Variants in ZNF385B observed in about 807,000 individuals in gnomAD.
The protein encoded by ZNF385B is zinc finger protein 385B.
In ZNF385B, 23 loss-of-function variants were observed where a neutral mutation model predicts 39.2. That is an observed-to-expected ratio of 0.59 (90% confidence interval 0.42 to 0.83). The LOEUF is 0.83. Ranked by LOEUF, ZNF385B falls within the 40% of genes least tolerant of loss-of-function variation. The pLI is 0.00. For synonymous variants in ZNF385B, 205 were observed against 222.6 expected (o/e 0.92, Z 0.70); for missense variants, 552 against 598.9 (o/e 0.92, Z 0.82).
chr2:179,607,203 GT>G (rs1264888159), intron 3 of ZNF385B, among the ~76,000 whole-genome samples: 1 of 152,150 alleles, frequency 6.6e-6, no homozygotes, highest in African/African-American at 2.4e-5. Flanking sequence ...ATCAATAAAT[GT>G]GGGGAAGCAG....
chr2:179,615,640 T>G (rs1046963731), intron 3 of ZNF385B, among the ~76,000 whole-genome samples: 2 of 152,194 alleles, frequency 1.3e-5, no homozygotes, highest in Non-Finnish European at 2.9e-5. Context: ...TAGAACAGTG[T>G]TTTTAGAACC....
intron 5 of ZNF385B, among the ~76,000 whole-genome samples, chr2:179,517,198 TTTAAA>T (rs1173153198): frequency 2.0e-5 from 3 of 151,906 alleles, no homozygotes; most frequent in Non-Finnish European, 4.4e-5. Context: ...AAATTTGACC[TTTAAA>T]AAAATGTTTT....
At chr2:179,761,701 C>T (rs1165785470) in intron 3 of ZNF385B, among the ~76,000 whole-genome samples, 1 of 151,348 alleles carries the variant, frequency 6.6e-6, no homozygotes, top group Admixed American at 6.6e-5. Flanking sequence ...ACCACAGCCT[C>T]CTGAGTAGCT....
At chr2:179,821,039 T>C (rs561868212) in intron 1 of ZNF385B, among the ~76,000 whole-genome samples, 108 of 152,186 alleles carry the variant, frequency 7.1e-4, no homozygotes, top group Non-Finnish European at 1.3e-3. Context: ...ATGGAACTTT[T>C]GGCAAAAGTT....
intron 1 of ZNF385B, among the ~76,000 whole-genome samples, chr2:179,815,779 TC>T (rs1575543259): frequency 6.6e-6 from 1 of 152,170 alleles, no homozygotes; most frequent in East Asian, 1.9e-4. Flanking sequence ...CATTTAGGAA[TC>T]CTTCATTCTT....
intron 3 of ZNF385B, among the ~76,000 whole-genome samples, chr2:179,748,314 A>G (rs1702494626): frequency 6.6e-6 from 1 of 152,178 alleles, no homozygotes; most frequent in Non-Finnish European, 1.5e-5. Flanking sequence ...GTACTCATTG[A>G]TCACCTAAAC....
At chr2:179,597,376 G>C (rs1515315) in intron 3 of ZNF385B, among the ~76,000 whole-genome samples, 34,402 of 152,108 alleles carry the variant, frequency 0.23, 4,537 homozygotes, top group East Asian at 0.61. Flanking sequence ...CAGTTTAGTG[G>C]TAGCCAAAGT....
chr2:179,704,192 T>C (rs1699417155), intron 3 of ZNF385B, among the ~76,000 whole-genome samples: 1 of 152,202 alleles, frequency 6.6e-6, no homozygotes, highest in Non-Finnish European at 1.5e-5. Flanking sequence ...ACCAGAATAC[T>C]GTTGGCTTTA....
intron 3 of ZNF385B, among the ~76,000 whole-genome samples, chr2:179,662,907 A>G (rs1694665816): frequency 6.6e-6 from 1 of 152,206 alleles, no homozygotes. Context: ...ATTGAGGAGC[A>G]CAGTTTTAAT....
chr2:179,490,581 G>A (rs11686958), intron 5 of ZNF385B, among the ~76,000 whole-genome samples: 86,191 of 151,490 alleles, frequency 0.57, 24,922 homozygotes, highest in Admixed American at 0.67. Flanking sequence ...AATTAGAAAG[G>A]TGCTGCAGTT....
At chr2:179,559,916 C>A (rs952220562) in intron 3 of ZNF385B, among the ~76,000 whole-genome samples, 6 of 152,096 alleles carry the variant, frequency 3.9e-5, no homozygotes, top group Non-Finnish European at 7.4e-5. Context: ...TGGCCTACAT[C>A]TCCCCATATT....
intron 3 of ZNF385B, among the ~76,000 whole-genome samples, chr2:179,718,830 A>T (rs199939181): frequency 3.1e-5 from 2 of 64,542 alleles, no homozygotes; most frequent in East Asian, 2.2e-3. Context: ...TGTATCTATT[A>T]AAAAAAAAAA....
intron 1 of ZNF385B, chr2:179,860,860 C>CCTG: frequency 2.6e-6 from 1 of 382,874 alleles, no homozygotes; most frequent in Non-Finnish European, 5.6e-6. Context: ...CGACCTAATC[C>CCTG]TAACTCCAGG....
At chr2:179,718,648 T>C (rs997433396) in intron 3 of ZNF385B, among the ~76,000 whole-genome samples, 1 of 150,768 alleles carries the variant, frequency 6.6e-6, no homozygotes, top group African/African-American at 2.4e-5. Context: ...AAATTAAACA[T>C]TGAGAATTAT....
chr2:179,832,214 T>C (rs1249652836), intron 1 of ZNF385B, among the ~76,000 whole-genome samples: 1 of 152,252 alleles, frequency 6.6e-6, no homozygotes, highest in South Asian at 2.1e-4. Context: ...CTCCCCCTCC[T>C]CCCACCTTGG....
At chr2:179,710,461 C>T (rs1699921199) in intron 3 of ZNF385B, among the ~76,000 whole-genome samples, 1 of 152,182 alleles carries the variant, frequency 6.6e-6, no homozygotes, top group South Asian at 2.1e-4. Flanking sequence ...ATCCTACTCC[C>T]CGTCGTACGA....
intron 3 of ZNF385B, among the ~76,000 whole-genome samples, chr2:179,622,930 G>A (rs1325969545): frequency 3.3e-5 from 5 of 152,174 alleles, no homozygotes; most frequent in African/African-American, 1.2e-4. Flanking sequence ...CAAGGCTTTC[G>A]TGAAAGCCTT....
chr2:179,448,919 T>C (rs563637176), intron 6 of ZNF385B, among the ~76,000 whole-genome samples: 96 of 152,314 alleles, frequency 6.3e-4, no homozygotes, highest in African/African-American at 2.1e-3. Context: ...AAAATATCTA[T>C]CCTGCTCAAC....
At position 179,445,548 on chromosome 2, in the gene ZNF385B, A is replaced by G. The variant is rs2049387491; in HGVS notation, c.1140+2T>C. On this transcript the variant is annotated splice_donor_variant, in intron 8 of 9. Transcript: ENST00000410066. LOFTEE classifies it high-confidence loss of function. ...AATGTTTACTAATTCAGGATACGTTACCTGTTTGAGTTGAATTTCTGAATT... is the reference window on the plus strand; with the variant it reads ...AATGTTTACTAATTCAGGATACGTTGCCTGTTTGAGTTGAATTTCTGAATT... The G allele has an allele frequency of 6.2e-7, 1 of 1,609,836 alleles. No individual in the cohort carries two copies. Among genetic ancestry groups the G allele is most frequent in the African/African-American group, 1.3e-5 (1 of 74,774 alleles).
Sources: allele counts gnomAD v4.1 joint callset (sites outside exome capture counted in the v4.1 genomes callset), GRCh38; gene constraint gnomAD v4.1.1; transcripts MANE v1.5; gene names NCBI Gene and HGNC (gene_info 2026-07-23, HGNC 2026-07-21).